The following LPP variants were observed in gnomAD, a reference collection of about 807,000 sequenced individuals.
LPP encodes the protein lipoma-preferred partner.
LPP carries 38 observed loss-of-function variants against 60.4 expected under a neutral mutation model. The ratio of observed to expected loss-of-function variants is 0.63; its 90% CI spans 0.49 to 0.83. LPP has a LOEUF of 0.83. Among genes scored for constraint, LPP ranks in the 40% least tolerant of loss-of-function variants. The pLI is 0.00. For missense variants in LPP, 902 were observed against 783.6 expected (o/e 1.15, Z -1.80); for synonymous variants, 328 against 290.8 (o/e 1.13, Z -1.30).
intron 7 of LPP, 147 bp from the exon 8 acceptor site, chr3:188,708,120 T>A: frequency 1.3e-6 from 1 of 768,020 alleles, no homozygotes; most frequent in Non-Finnish European, 2.1e-6. Context: ...ACTGAATAAG[T>A]GATAAAACTA....
intron 5 of LPP, among the ~76,000 whole-genome samples, chr3:188,492,806 C>G (rs1420497493): frequency 6.6e-6 from 1 of 152,180 alleles, no homozygotes; most frequent in East Asian, 1.9e-4. Flanking sequence ...CTTATATGTC[C>G]TGCTCCCAAT....
chr3:188,190,475 G>A lies in LPP; in HGVS notation c.-189-34930G>A, dbSNP rs370518361. 7.9e-5 allele frequency among the ~76,000 whole-genome samples: 12 copies of A among 152,268 alleles called. No homozygotes were observed. The East Asian group carries it at 1.7e-3, about 22-fold the overall frequency. On this transcript the variant is annotated intron_variant, in intron 1 of 11. Transcript: ENST00000617246. ...TCAATGTGGGGTCTGACTCCATGTC[G>A]CCTCTTCCTTTCACGCTCTAACTGT...
chr3:188,533,787 T>C (rs889578905), intron 6 of LPP, among the ~76,000 whole-genome samples: 28 of 152,174 alleles, frequency 1.8e-4, no homozygotes, highest in African/African-American at 6.3e-4. Flanking sequence ...TAAATAACAA[T>C]GATTTGGGGG....
At chr3:188,159,759 G>T (rs993974929) in intron 1 of LPP, among the ~76,000 whole-genome samples, 13 of 152,192 alleles carry the variant, frequency 8.5e-5, no homozygotes, top group Non-Finnish European at 5.9e-5. Context: ...AAGATTGAGG[G>T]ACTGGGAGTG....
rs141633962 is a variant in LPP, at chr3:188,566,016, T to G, written c.429+41229T>G. Among the ~76,000 whole-genome samples the G allele has an allele frequency of 6.7e-3, 1,014 of 152,060 alleles. 3 individuals are homozygous for G. Among genetic ancestry groups the G allele is most frequent in the Non-Finnish European group, 0.011 (745 of 67,908 alleles). Reference sequence around the variant, plus strand: ...GGAATAGCTTTTAGTTTAACCTGCGTGTGAGAAAAGAAGGTTTCATCGTGT... The same window carrying G: ...GGAATAGCTTTTAGTTTAACCTGCGGGTGAGAAAAGAAGGTTTCATCGTGT... On this transcript the variant is annotated intron_variant, in intron 6 of 11. Coordinates refer to ENST00000617246, the MANE Select transcript of LPP (RefSeq NM_001375462.1).
rs375958448 is a variant in LPP, at chr3:188,874,343, T to G, written c.1711-8T>G. Reference sequence around the variant, plus strand: ...TTATGTCGTTTCCATCTGTCTTTACTGTTCTAGGATTGCGGTGGTCTCCTG... The same window carrying G: ...TTATGTCGTTTCCATCTGTCTTTACGGTTCTAGGATTGCGGTGGTCTCCTG... On this transcript the variant is annotated splice_polypyrimidine_tract_variant and splice_region_variant and intron_variant, in intron 11 of 11. Transcript: ENST00000617246. The G allele has an allele frequency of 1.1e-4, 175 of 1,609,338 alleles. No homozygotes were observed. The highest frequency in any genetic ancestry group is 1.4e-4 in the Non-Finnish European group (165 of 1,176,890).
intron 4 of LPP, among the ~76,000 whole-genome samples, chr3:188,460,617 A>T (rs760153962): frequency 6.7e-6 from 1 of 149,546 alleles, no homozygotes; most frequent in Non-Finnish European, 1.5e-5. Flanking sequence ...TAATTTTAGG[A>T]AACCATTTTC....
chr3:188,609,059 A>G lies in LPP; in HGVS notation c.430-102A>G, dbSNP rs1843077839. The G allele has an allele frequency of 1.2e-6, 1 of 864,916 alleles. No homozygotes were observed. Among genetic ancestry groups the G allele is most frequent in the Non-Finnish European group, 1.8e-6 (1 of 563,384 alleles). The allele number at this position is 864,916 out of a possible 1,614,324, so 53.6% of individuals were successfully genotyped here. On this transcript the variant is annotated intron_variant, in intron 6 of 11. Coordinates refer to ENST00000617246, the MANE Select transcript of LPP (RefSeq NM_001375462.1). The surrounding 1 kb of genome is among the most constrained non-coding windows in gnomAD (Gnocchi z 6.9). ...TTTGTGTTCTACATAGTAATAAATA[A>G]TAATTAGCAGTTATTAATATTTTTC...
intron 8 of LPP, among the ~76,000 whole-genome samples, chr3:188,734,524 T>G (rs1721810269): frequency 6.6e-6 from 1 of 152,222 alleles, no homozygotes; most frequent in Non-Finnish European, 1.5e-5. Context: ...CATGGCTAAT[T>G]TGGCCAACTT....
At chr3:188,454,019 A>G (rs913768003) in intron 4 of LPP, among the ~76,000 whole-genome samples, 2 of 152,128 alleles carry the variant, frequency 1.3e-5, no homozygotes, top group Non-Finnish European at 2.9e-5. Context: ...AATGTTTTTG[A>G]ATACTTAGCA....
At chr3:188,397,320 G>A (rs937271210) in intron 3 of LPP, among the ~76,000 whole-genome samples, 5 of 152,130 alleles carry the variant, frequency 3.3e-5, no homozygotes, top group East Asian at 1.9e-4. Flanking sequence ...ATTAGAAGAC[G>A]TAAATTATTT....
chr3:188,553,953 G>T (rs1454516346), intron 6 of LPP: 1 of 152,188 alleles, frequency 6.6e-6, no homozygotes, highest in Admixed American at 6.5e-5. Context: ...ATGCAGAATA[G>T]CAAACTGGCT....
chr3:188,532,318 G>A (rs1173049580), intron 6 of LPP, among the ~76,000 whole-genome samples: 1 of 152,076 alleles, frequency 6.6e-6, no homozygotes, highest in Non-Finnish European at 1.5e-5. Context: ...CCAGCAACTC[G>A]AGAGGCTGAG....
At chr3:188,826,433 A>G (rs1755515556) in intron 9 of LPP, among the ~76,000 whole-genome samples, 1 of 152,168 alleles carries the variant, frequency 6.6e-6, no homozygotes, top group African/African-American at 2.4e-5. Flanking sequence ...ACATTTTAAG[A>G]TAGACATTTT....
At chr3:188,577,092 C>T (rs574381613) in intron 6 of LPP, among the ~76,000 whole-genome samples, 1 of 152,170 alleles carries the variant, frequency 6.6e-6, no homozygotes, top group Non-Finnish European at 1.5e-5. Context: ...GCAATAATCC[C>T]CTGTAAGACA....
At chr3:188,189,378 G>T (rs78514144) in intron 1 of LPP, among the ~76,000 whole-genome samples, 27 of 152,176 alleles carry the variant, frequency 1.8e-4, no homozygotes, top group Non-Finnish European at 3.1e-4. Context: ...ATGAGCCACC[G>T]CACTAGGCCC....
At chr3:188,832,965 G>A (rs974218444) in intron 9 of LPP, among the ~76,000 whole-genome samples, 7 of 152,150 alleles carry the variant, frequency 4.6e-5, no homozygotes, top group African/African-American at 1.7e-4. Flanking sequence ...ACACTGGATC[G>A]TTTGCTCCCA....
chr3:188,308,717 G>A (rs1036015006), intron 2 of LPP, among the ~76,000 whole-genome samples: 5 of 152,236 alleles, frequency 3.3e-5, no homozygotes, highest in Admixed American at 6.5e-5. Context: ...CCCCTTATGC[G>A]GAGTAGAGAG....
At chr3:188,752,765 C>T (rs1048221998) in intron 8 of LPP, among the ~76,000 whole-genome samples, 3 of 152,138 alleles carry the variant, frequency 2.0e-5, no homozygotes, top group Admixed American at 6.5e-5. Context: ...TCCAATACCC[C>T]GGGACAAACT....
Sources: allele counts gnomAD v4.1 joint callset (sites outside exome capture counted in the v4.1 genomes callset), GRCh38; gene constraint gnomAD v4.1.1; non-coding constraint Gnocchi (gnomAD v3.1); transcripts MANE v1.5; gene names NCBI Gene and HGNC (gene_info 2026-07-23, HGNC 2026-07-21).